Variants in ANXA11 observed in about 807,000 individuals in gnomAD.
ANXA11 encodes the protein annexin A11.
A neutral mutation model predicts 64.7 loss-of-function variants in ANXA11; 57 were observed. That is an observed-to-expected ratio of 0.88 (90% CI 0.71 to 1.10). The LOEUF (loss-of-function observed/expected upper bound fraction) is 1.10. Among genes scored for constraint, ANXA11 ranks in the 50% least tolerant of loss-of-function variants. The probability of loss-of-function intolerance (pLI) is 0.00; values close to 1 mark genes in which losing one functional copy is unlikely to be tolerated. For synonymous variants in ANXA11, 260 were observed against 265.2 expected, an observed-to-expected ratio of 0.98 and a Z score of 0.19; for missense variants, 675 against 670.7, an observed-to-expected ratio of 1.01 and a Z score of -0.07.
intron 1 of ANXA11, among the ~76,000 whole-genome samples, chr10:80,179,569 T>C (rs1469380709): frequency 6.6e-6 from 1 of 152,182 alleles, no homozygotes; most frequent in Non-Finnish European, 1.5e-5. Flanking sequence ...CACTTAAGCA[T>C]ACCCAGAACG....
chr10:80,166,075 C>CACACGT lies in ANXA11; in HGVS notation c.858+8_858+9insACGTGT, dbSNP rs58223589. 6.1e-6 allele frequency: 9 copies of CACACGT among 1,463,534 alleles called. No individual in the cohort carries two copies. The South Asian group carries it at 1.0e-4, about 17-fold the overall frequency. 90.7% of individuals were successfully genotyped at this position (1,463,534 alleles called of 1,614,324 possible). ...ACACACACACACACACACACACACACGTACACACCTTGATGGCTTCCTTTA... is the reference window on the plus strand; with the variant it reads ...ACACACACACACACACACACACACACACACGTGTACACACCTTGATGGCTTCCTTTA... On this transcript the variant is annotated intron_variant, in intron 8 of 15. Coordinates refer to ENST00000422982, the MANE Select transcript of ANXA11 (RefSeq NM_145868.2).
At chr10:80,187,135 C>T (rs1050972843) in intron 1 of ANXA11, among the ~76,000 whole-genome samples, 7 of 152,196 alleles carry the variant, frequency 4.6e-5, no homozygotes, top group African/African-American at 1.7e-4. Flanking sequence ...AGTCCTGACT[C>T]CAAAGTGTGG....
At chr10:80,200,283 C>T (rs1840363627) in intron 1 of ANXA11, among the ~76,000 whole-genome samples, 1 of 152,156 alleles carries the variant, frequency 6.6e-6, no homozygotes, top group Admixed American at 6.5e-5. Flanking sequence ...TCCTCTGATG[C>T]CTGCATTTAA....
At chr10:80,205,281 C>G (rs1204618122) in intron 1 of ANXA11, 62 bp downstream of exon 1, 3 of 151,838 alleles carry the variant, frequency 2.0e-5, no homozygotes, top group South Asian at 2.1e-4. Context: ...TCACCCGCGG[C>G]GCCGCGGTGC....
chr10:80,170,958 A>G, intron 3 of ANXA11, 43 bp from the exon 4 acceptor site: 1 of 1,556,446 alleles, frequency 6.4e-7, no homozygotes, highest in Non-Finnish European at 8.7e-7. Context: ...CCAGTCCCCC[A>G]CCACACGGGG....
intron 1 of ANXA11, among the ~76,000 whole-genome samples, chr10:80,202,444 G>A (rs1437302779): frequency 6.6e-6 from 1 of 152,160 alleles, no homozygotes; most frequent in Non-Finnish European, 1.5e-5. Flanking sequence ...TAAGCCTAAT[G>A]TGTAACAGTT....
chr10:80,166,261 G>A (rs1845736470), intron 7 of ANXA11, 64 bp from the exon 8 acceptor site: 3 of 985,628 alleles, frequency 3.0e-6, no homozygotes, highest in Admixed American at 4.1e-5. Flanking sequence ...AAAATCCACA[G>A]GAAGTGACTA....
chr10:80,161,983 T>G lies in ANXA11; in HGVS notation c.1132A>C (p.Lys378Gln). ...CGGGAGCACAGAACCGCATTGAACT[T>G]GGACTCGTCTGTTCCCAGGCGGTTC... ...GENRLGTDESKFNAVLCSRSR... is the reference protein window; with the variant it reads ...GENRLGTDESQFNAVLCSRSR... Residue 378 changes from lysine to glutamine, a missense_variant, in exon 12 of 16, where the codon AAG becomes CAG. Transcript: ENST00000422982. 1 of 1,612,736 alleles carries G rather than the reference T, an allele frequency of 6.2e-7. No individual in the cohort carries two copies. Among genetic ancestry groups the G allele is most frequent in the South Asian group, 1.1e-5 (1 of 91,080 alleles).
At chr10:80,205,223 A>C (rs1290684319) in intron 1 of ANXA11, 120 bp downstream of exon 1, 2 of 144,244 alleles carry the variant, frequency 1.4e-5, no homozygotes, top group Admixed American at 6.8e-5. Context: ...TAGTGCAACC[A>C]GGAAGCCGCA....
chr10:80,181,566 T>C (rs1846356529), intron 1 of ANXA11: 1 of 152,076 alleles, frequency 6.6e-6, no homozygotes, highest in African/African-American at 2.4e-5. Context: ...AAAGGGACTA[T>C]TATCCAAAAT....
At chr10:80,188,187 C>T (rs1213363335) in intron 1 of ANXA11, among the ~76,000 whole-genome samples, 3 of 151,948 alleles carry the variant, frequency 2.0e-5, no homozygotes, top group African/African-American at 4.8e-5. Context: ...CACACTCCCC[C>T]GTCAAGGGCC....
chr10:80,193,308 A>C (rs538839412), intron 1 of ANXA11, among the ~76,000 whole-genome samples: 1 of 152,362 alleles, frequency 6.6e-6, no homozygotes, highest in Non-Finnish European at 1.5e-5. Flanking sequence ...TGATAAATTA[A>C]GAAACAGTCA....
intron 5 of ANXA11, among the ~76,000 whole-genome samples, chr10:80,167,806 G>T (rs1845806468): frequency 6.6e-6 from 1 of 152,190 alleles, no homozygotes; most frequent in Admixed American, 6.5e-5. Context: ...TCTAGCACTG[G>T]TTCCCTCGCA....
intron 1 of ANXA11, among the ~76,000 whole-genome samples, chr10:80,189,412 T>A (rs991082241): frequency 1.2e-4 from 18 of 152,126 alleles, no homozygotes; most frequent in African/African-American, 4.3e-4. Context: ...GAGATAAAAC[T>A]GTAAAGATAA....
At chr10:80,170,766 C>A (rs1845938093) in intron 4 of ANXA11, 34 bp downstream of exon 4, 1 of 1,444,690 alleles carries the variant, frequency 6.9e-7, no homozygotes, top group South Asian at 1.6e-5. Context: ...CAGGTGTGGC[C>A]CCAGGGCTGC....
Position 80,168,979 on chromosome 10 carries a change from G to A in ANXA11, c.551C>T (p.Pro184Leu). The change falls in exon 5 of 16, where the codon CCC (proline) becomes CTC (leucine). Residue 184 changes from proline (P) to leucine (L), a missense_variant. Coordinates refer to ENST00000422982, the MANE Select transcript of ANXA11 (RefSeq NM_145868.2). ...PGSGTVTPAV[P>L]PTQFGSRGTI... ...TGGGCTGACACTCACCTGGGTTGGG[G>A]GCACAGCGGGGGTGACAGTCCCAGA... 1.3e-6 allele frequency: 2 copies of A among 1,533,598 alleles called. No individual in the cohort carries two copies. Among genetic ancestry groups the A allele is most frequent in the Non-Finnish European group, 1.7e-6 (2 of 1,146,156 alleles). The allele number at this position is 1,533,598 out of a possible 1,614,324, so 95.0% of individuals were successfully genotyped here. A position where few individuals can be genotyped will look rare whatever the true frequency, so the allele number is the denominator to read the frequency against.
At chr10:80,156,091 C>T (rs534274165) in intron 15 of ANXA11, among the ~76,000 whole-genome samples, 179 bp from the exon 16 acceptor site, 113 of 152,342 alleles carry the variant, frequency 7.4e-4, no homozygotes, top group African/African-American at 2.5e-3. Flanking sequence ...GTTCAGCCTT[C>T]TCCAGGCCCC....
intron 1 of ANXA11, among the ~76,000 whole-genome samples, chr10:80,178,049 A>G (rs1846230660): frequency 6.6e-6 from 1 of 152,180 alleles, no homozygotes; most frequent in South Asian, 2.1e-4. Flanking sequence ...AAAAGAGGCT[A>G]CCGCAAGGGG....
At chr10:80,205,546 G>A (rs942361817), upstream of ANXA11, 2 of 152,028 alleles carry the variant, frequency 1.3e-5, no homozygotes, top group African/African-American at 4.8e-5. Flanking sequence ...CCGCGGGCGC[G>A]GCTGCCCCAG....
Sources: gnomAD v4.1 joint callset for allele counts (sites outside exome capture counted in the v4.1 genomes callset) on GRCh38, gnomAD v4.1.1 for gene constraint, MANE v1.5 for transcripts, NCBI Gene and HGNC (gene_info 2026-07-23, HGNC 2026-07-21) for gene names.